Variants in KCTD1 observed in about 807,000 individuals in gnomAD.
KCTD1 encodes BTB/POZ domain-containing protein KCTD1.
KCTD1 carries 24 observed loss-of-function variants against 66.0 expected under a neutral mutation model. The observed-to-expected ratio is 0.36, with a 90% CI of 0.26 to 0.51. The LOEUF is 0.51. KCTD1 is among the 20% of genes least tolerant of loss of function. The pLI is 0.95. For missense variants in KCTD1, 943 were observed against 1,205.2 expected (o/e 0.78, Z 3.22); for synonymous variants, 511 against 517.2 (o/e 0.99, Z 0.16).
chr18:26,502,921 A>G (rs534026519), intron 1 of KCTD1, among the ~76,000 whole-genome samples: 1 of 152,354 alleles, frequency 6.6e-6, no homozygotes, highest in Admixed American at 6.5e-5. Flanking sequence ...CATAGATTTT[A>G]TGATCTGGAA....
chr18:26,461,153 T>TTTGCACTTTGCTCTTTCTCTTG (rs1314213237), intron 3 of KCTD1, among the ~76,000 whole-genome samples: 1 of 152,178 alleles, frequency 6.6e-6, no homozygotes, highest in Non-Finnish European at 1.5e-5. Flanking sequence ...ATATTTTTAT[T>TTTGCACTTTGCTCTTTCTCTTG]TTGCACTTTG....
chr18:26,520,244 G>A (rs1389161209), intron 1 of KCTD1, among the ~76,000 whole-genome samples: 1 of 152,118 alleles, frequency 6.6e-6, no homozygotes, highest in Non-Finnish European at 1.5e-5. Flanking sequence ...AGAAGCACCT[G>A]GTAAGCACAG....
intron 1 of KCTD1, among the ~76,000 whole-genome samples, chr18:26,609,715 T>C (rs1419906402): frequency 6.6e-6 from 1 of 152,218 alleles, no homozygotes; most frequent in African/African-American, 2.4e-5. Flanking sequence ...TAGGATTTTC[T>C]GTTTTCTCAG....
At chr18:26,655,785 A>C (rs1988120780) in intron 1 of KCTD1, 1 of 152,298 alleles carries the variant, frequency 6.6e-6, no homozygotes, top group South Asian at 2.1e-4. Flanking sequence ...TCTACCCGCG[A>C]CAGTTCGCAA....
chr18:26,610,588 A>C (rs72887399), intron 1 of KCTD1, among the ~76,000 whole-genome samples: 42,739 of 144,652 alleles, frequency 0.3, 7,095 homozygotes, highest in East Asian at 0.52. Flanking sequence ...AGAGAGAGAG[A>C]GAAAGAAAGG....
chr18:26,593,713 GATA>G (rs1216387732), intron 1 of KCTD1, among the ~76,000 whole-genome samples: 4 of 138,028 alleles, frequency 2.9e-5, no homozygotes, highest in Non-Finnish European at 4.7e-5. Context: ...GGAGGAGGAA[GATA>G]AGGAGGAGGA....
chr18:26,631,857 G>A (rs1448920728), upstream of KCTD1, among the ~76,000 whole-genome samples: 2 of 150,410 alleles, frequency 1.3e-5, no homozygotes, highest in Non-Finnish European at 3.0e-5. Context: ...GACCATCCTG[G>A]CTAACATGGT....
intron 3 of KCTD1, among the ~76,000 whole-genome samples, chr18:26,464,821 G>A (rs1356089020): frequency 6.6e-6 from 1 of 152,152 alleles, no homozygotes; most frequent in Non-Finnish European, 1.5e-5. Flanking sequence ...TAGCAGGCAG[G>A]GCACCTATGT....
intron 1 of KCTD1, among the ~76,000 whole-genome samples, chr18:26,617,941 G>C (rs1469834085): frequency 1.3e-5 from 2 of 151,330 alleles, no homozygotes; most frequent in African/African-American, 4.9e-5. Flanking sequence ...AAAAAAAAAA[G>C]GAAGACAGAA....
At chr18:26,475,855 AAAAC>A (rs773495131) in intron 3 of KCTD1, among the ~76,000 whole-genome samples, 11 of 152,222 alleles carry the variant, frequency 7.2e-5, no homozygotes, top group African/African-American at 9.7e-5. Flanking sequence ...TCCGTCTCAA[AAAAC>A]AAACAAACAA....
Position 26,548,017 on chromosome 18 carries a change from G to A in KCTD1, c.520C>T (p.Leu174=). Residue 174 remains leucine (L), a synonymous_variant, in exon 1 of 5, where the codon CTG becomes TTG. Coordinates refer to ENST00000580059, the MANE Select transcript of KCTD1 (RefSeq NM_001142730.3). ...ATGCGCACGGCGTAGCGGGTGGCCA[G>A]CCGGGTGTTCTCGCTCAGCCGGGCC... The part of the protein sequence containing the change: ...ERARLSENTR[L]ATRYAVRIFR... 6.5e-7 allele frequency: 1 copy of A among 1,528,142 alleles called. No homozygotes were observed. Among genetic ancestry groups the A allele is most frequent in the Non-Finnish European group, 8.8e-7 (1 of 1,140,134 alleles). 94.7% of individuals were successfully genotyped at this position (1,528,142 alleles called of 1,614,324 possible).
intron 1 of KCTD1, among the ~76,000 whole-genome samples, chr18:26,504,078 T>C (rs1310732846): frequency 6.6e-6 from 1 of 152,224 alleles, no homozygotes; most frequent in African/African-American, 2.4e-5. Context: ...AAGAACTTTT[T>C]TTTTAGGAGA....
At chr18:26,573,960 CCCCAAAGTCATTGTGACAA>C (rs952550797) in intron 1 of KCTD1, among the ~76,000 whole-genome samples, 1 of 152,076 alleles carries the variant, frequency 6.6e-6, no homozygotes, top group African/African-American at 2.4e-5. Flanking sequence ...ACCAGTATTG[CCCCAAAGTCATTGTGACAA>C]CCAAAAGACC....
intron 1 of KCTD1, among the ~76,000 whole-genome samples, chr18:26,523,656 A>C (rs570402912): frequency 4.6e-5 from 7 of 152,294 alleles, no homozygotes; most frequent in African/African-American, 1.7e-4. Flanking sequence ...ATTTAAAACA[A>C]AAAAATAAAA....
At chr18:26,617,202 T>C (rs577305795) in intron 1 of KCTD1, among the ~76,000 whole-genome samples, 9 of 152,286 alleles carry the variant, frequency 5.9e-5, no homozygotes, top group Non-Finnish European at 1.0e-4. Context: ...AAATAACCTT[T>C]CCAGGTCATT....
At chr18:26,631,051 A>G (rs543025348), upstream of KCTD1, among the ~76,000 whole-genome samples, 213 of 152,304 alleles carry the variant, frequency 1.4e-3, no homozygotes, top group African/African-American at 5.1e-3. Flanking sequence ...AGACAATAGA[A>G]TCTCTCATTT....
At chr18:26,466,752 T>G (rs1227127825) in intron 3 of KCTD1, among the ~76,000 whole-genome samples, 1 of 152,204 alleles carries the variant, frequency 6.6e-6, no homozygotes, top group African/African-American at 2.4e-5. Flanking sequence ...TACTGTGAGG[T>G]AGTATGAAGC....
At chr18:26,635,801 C>A (rs989595573) in intron 1 of KCTD1, among the ~76,000 whole-genome samples, 1 of 152,126 alleles carries the variant, frequency 6.6e-6, no homozygotes, top group Non-Finnish European at 1.5e-5. Flanking sequence ...GTGAAATGCC[C>A]CCAAATAGTG....
chr18:26,616,290 C>T (rs990175342), intron 1 of KCTD1, among the ~76,000 whole-genome samples: 2 of 151,938 alleles, frequency 1.3e-5, no homozygotes, highest in Admixed American at 6.6e-5. Flanking sequence ...ATCCTCTCCC[C>T]TAAATTTACC....
Sources: gnomAD v4.1 joint callset for allele counts (sites outside exome capture counted in the v4.1 genomes callset) on GRCh38, gnomAD v4.1.1 for gene constraint, MANE v1.5 for transcripts, NCBI Gene and HGNC (gene_info 2026-07-23, HGNC 2026-07-21) for gene names.